Variants in ZBTB7C observed in about 807,000 individuals in gnomAD.
The protein encoded by ZBTB7C is zinc finger and BTB domain containing 7C.
In ZBTB7C, 8 loss-of-function variants were observed where a neutral mutation model predicts 25.7. That is an observed-to-expected ratio of 0.31 (90% CI 0.18 to 0.56). The LOEUF (loss-of-function observed/expected upper bound fraction) is 0.56. ZBTB7C is among the 20% of genes least tolerant of loss of function. ZBTB7C has a pLI of 0.91. For synonymous variants in ZBTB7C, 394 were observed against 369.0 expected (o/e 1.07, Z -0.78); for missense variants, 824 against 855.2 (o/e 0.96, Z 0.46).
intron 2 of ZBTB7C, among the ~76,000 whole-genome samples, chr18:48,335,864 T>C (rs1416469837): frequency 6.6e-6 from 1 of 152,210 alleles, no homozygotes; most frequent in Non-Finnish European, 1.5e-5. Context: ...ATCATTAAAA[T>C]TAATTTCACT....
At chr18:48,402,333 A>G (rs2048179295) in intron 1 of ZBTB7C, among the ~76,000 whole-genome samples, 1 of 152,124 alleles carries the variant, frequency 6.6e-6, no homozygotes, top group African/African-American at 2.4e-5. Flanking sequence ...AAGGTATGGT[A>G]TATTACTTTA....
intron 3 of ZBTB7C, among the ~76,000 whole-genome samples, chr18:48,097,307 T>C (rs2038668692): frequency 6.6e-6 from 1 of 152,150 alleles, no homozygotes; most frequent in Admixed American, 6.5e-5. Flanking sequence ...AAGTGGGTAA[T>C]CAGTTGTATA....
At chr18:48,074,680 C>A (rs185952234) in intron 3 of ZBTB7C, among the ~76,000 whole-genome samples, 6 of 152,230 alleles carry the variant, frequency 3.9e-5, no homozygotes, top group Admixed American at 3.9e-4. Context: ...GTGTTTCCAG[C>A]CCCTACAAAC....
At chr18:48,042,378 T>G (rs2036287420) in intron 3 of ZBTB7C, among the ~76,000 whole-genome samples, 1 of 152,190 alleles carries the variant, frequency 6.6e-6, no homozygotes, top group Non-Finnish European at 1.5e-5. Flanking sequence ...ACATGGCTCA[T>G]CTAGATAAAT....
chr18:48,316,766 C>G (rs2045957571), intron 2 of ZBTB7C, among the ~76,000 whole-genome samples: 1 of 152,224 alleles, frequency 6.6e-6, no homozygotes, highest in Non-Finnish European at 1.5e-5. Flanking sequence ...GCCAAATAAG[C>G]CTCTTTGTAA....
At chr18:48,274,172 G>C (rs957876941) in intron 2 of ZBTB7C, among the ~76,000 whole-genome samples, 1 of 152,130 alleles carries the variant, frequency 6.6e-6, no homozygotes, top group East Asian at 1.9e-4. Context: ...TAGTCTTTTA[G>C]GACCCTTAAT....
chr18:48,046,832 A>C (rs1272237287), intron 3 of ZBTB7C, among the ~76,000 whole-genome samples: 2 of 152,306 alleles, frequency 1.3e-5, no homozygotes, highest in Admixed American at 1.3e-4. Flanking sequence ...CTGTCTCATC[A>C]TGTGATAGGA....
At chr18:48,324,610 G>A (rs2046175590) in intron 2 of ZBTB7C, among the ~76,000 whole-genome samples, 1 of 152,188 alleles carries the variant, frequency 6.6e-6, no homozygotes, top group Non-Finnish European at 1.5e-5. Context: ...CAAAAGGGAA[G>A]AGGATGCTAG....
At chr18:48,294,277 C>A (rs891395972) in intron 2 of ZBTB7C, among the ~76,000 whole-genome samples, 2 of 152,228 alleles carry the variant, frequency 1.3e-5, no homozygotes, top group East Asian at 1.9e-4. Flanking sequence ...AGGCGTTGAA[C>A]CAGCAGCCGA....
chr18:48,029,818 G>A lies in ZBTB7C; in HGVS notation c.1302C>T (p.Asp434=). ...HCNAKFVHNY[D]LKNHMRIHTG... is the part of the protein sequence containing the mutation. Reference sequence around the variant, plus strand: ...TGTGGATGCGCATGTGGTTCTTGAGGTCGTAGTTGTGCACGAACTTGGCGT... The same window carrying A: ...TGTGGATGCGCATGTGGTTCTTGAGATCGTAGTTGTGCACGAACTTGGCGT... Residue 434 remains aspartate (D), a synonymous_variant, in exon 5 of 5, where the codon GAC becomes GAT. Coordinates refer to ENST00000590800, the MANE Select transcript of ZBTB7C (RefSeq NM_001318841.2). 6.2e-7 allele frequency: 1 copy of A among 1,609,392 alleles called. No individual in the cohort carries two copies. The highest frequency in any genetic ancestry group is 1.7e-5 in the Admixed American group (1 of 60,026).
Position 48,237,877 on chromosome 18 carries a change from T to C in ZBTB7C, c.-78-51882A>G, listed in dbSNP as rs201435221. ...GGAAATACTTTTTTAAATTAGTGTA[T>C]ATTTTCACTTATTCATACAATGGAA... On this transcript the variant is annotated intron_variant, in intron 2 of 4. Transcript: ENST00000590800. 2.4e-3 allele frequency among the ~76,000 whole-genome samples: 363 copies of C among 152,338 alleles called. 5 individuals carry two copies. Among genetic ancestry groups the C allele is most frequent in the African/African-American group, 8.3e-3 (346 of 41,578 alleles).
In ZBTB7C at chr18:48,211,217, A is replaced by C. The variant is rs117592787; in HGVS notation, c.-78-25222T>G. 2.6e-3 allele frequency among the ~76,000 whole-genome samples: 395 copies of C among 152,330 alleles called. 4 individuals are homozygous for C. The highest frequency in any genetic ancestry group is 4.1e-3 in the Admixed American group (63 of 15,304). ...GGGTGAATCATAGACCTAAATGTAAAATGTGAAACTATAAAACTCCTAGAA... is the reference window on the plus strand; with the variant it reads ...GGGTGAATCATAGACCTAAATGTAACATGTGAAACTATAAAACTCCTAGAA... On this transcript the variant is annotated intron_variant, in intron 2 of 4. Coordinates refer to ENST00000590800, the MANE Select transcript of ZBTB7C (RefSeq NM_001318841.2).
chr18:48,358,446 C>T (rs1302878682), intron 1 of ZBTB7C, among the ~76,000 whole-genome samples: 3 of 152,194 alleles, frequency 2.0e-5, no homozygotes, highest in Non-Finnish European at 4.4e-5. Flanking sequence ...TTGCTTTCCA[C>T]CATGATTGGA....
At position 48,040,020 on chromosome 18, in the gene ZBTB7C, G is replaced by T; in HGVS notation, c.1088C>A (p.Ser363Tyr). The change falls in exon 4 of 5, where the codon TCT becomes TAT. Residue 363 changes from serine to tyrosine, a missense_variant. Transcript: ENST00000590800. ...TTTGTGGCAGATGGGGCACTGCTGA[G>T]AGGCCTTGGGCTTCAGCTTGCGCTC... ...VEERKLKPKASQQCPICHKVI... is the reference protein window; with the variant it reads ...VEERKLKPKAYQQCPICHKVI... 1 of 1,614,152 alleles carries T rather than the reference G, an allele frequency of 6.2e-7. No homozygotes were observed. Among genetic ancestry groups the T allele is most frequent in the South Asian group, 1.1e-5 (1 of 91,088 alleles).
intron 1 of ZBTB7C, among the ~76,000 whole-genome samples, chr18:48,362,443 C>A (rs2047130261): frequency 6.6e-6 from 1 of 152,154 alleles, no homozygotes; most frequent in African/African-American, 2.4e-5. Flanking sequence ...TTATAATGGG[C>A]TGAAGAGACC....
chr18:48,329,282 G>A (rs903165341), intron 2 of ZBTB7C, among the ~76,000 whole-genome samples: 1 of 152,224 alleles, frequency 6.6e-6, no homozygotes, highest in Non-Finnish European at 1.5e-5. Context: ...TTACAACGCA[G>A]AAAGGCTTTA....
At chr18:48,343,858 T>C (rs1458332457) in intron 1 of ZBTB7C, among the ~76,000 whole-genome samples, 1 of 152,220 alleles carries the variant, frequency 6.6e-6, no homozygotes, top group Non-Finnish European at 1.5e-5. Context: ...ATTGTTCCAC[T>C]GGCCTATCCC....
At chr18:48,401,219 A>G (rs1599047150) in intron 1 of ZBTB7C, among the ~76,000 whole-genome samples, 2 of 152,102 alleles carry the variant, frequency 1.3e-5, no homozygotes, top group African/African-American at 4.8e-5. Context: ...AAGACAACAA[A>G]GCCTTAACTG....
chr18:48,319,112 C>CTGTGTGTGTGTGTGTGTGTGTGTGTG (rs143825394), intron 2 of ZBTB7C, among the ~76,000 whole-genome samples: 8 of 147,366 alleles, frequency 5.4e-5, no homozygotes, highest in Admixed American at 1.4e-4. Flanking sequence ...CAGAATGCCT[C>CTGTGTGTGTGTGTGTGTGTGTGTGTG]TGTGTGTGTG....
Sources: gnomAD v4.1 joint callset for allele counts (sites outside exome capture counted in the v4.1 genomes callset) on GRCh38, gnomAD v4.1.1 for gene constraint, MANE v1.5 for transcripts, NCBI Gene and HGNC (gene_info 2026-07-23, HGNC 2026-07-21) for gene names.